SDCCAG8: variants seen among roughly 807,000 people sequenced by gnomAD.
SDCCAG8 encodes the protein SHH signaling and ciliogenesis regulator SDCCAG8, also known as serologically defined colon cancer antigen 8.
A neutral mutation model predicts 101.8 loss-of-function variants in SDCCAG8; 74 were observed. The observed-to-expected ratio is 0.73, with a 90% CI of 0.60 to 0.88. SDCCAG8 has a LOEUF of 0.88. SDCCAG8 is among the 40% of genes least tolerant of loss of function. The pLI is 0.00. For missense variants in SDCCAG8, 787 were observed against 822.6 expected, an observed-to-expected ratio of 0.96 and a Z score of 0.53; for synonymous variants, 281 against 292.9, an observed-to-expected ratio of 0.96 and a Z score of 0.41.
At chr1:243,432,542 AT>A (rs1472879991) in intron 16 of SDCCAG8, among the ~76,000 whole-genome samples, 1 of 152,260 alleles carries the variant, frequency 6.6e-6, no homozygotes, top group Non-Finnish European at 1.5e-5. Context: ...TTTTAAAAAA[AT>A]GGGAAAATTA....
At chr1:243,374,394 T>C (rs959198985) in intron 12 of SDCCAG8, among the ~76,000 whole-genome samples, 5 of 152,024 alleles carry the variant, frequency 3.3e-5, no homozygotes, top group African/African-American at 9.7e-5. Context: ...AGATTCAGCA[T>C]TGCAAAATTT....
chr1:243,261,337 AT>A (rs146433637), intron 1 of SDCCAG8, among the ~76,000 whole-genome samples: 9,498 of 152,222 alleles, frequency 0.062, 969 homozygotes, highest in African/African-American at 0.21. Flanking sequence ...CAGATGAATG[AT>A]TAAGGGCTAT....
At chr1:243,483,437 G>A (rs1445122317) in intron 16 of SDCCAG8, among the ~76,000 whole-genome samples, 1 of 152,102 alleles carries the variant, frequency 6.6e-6, no homozygotes, top group East Asian at 1.9e-4. Context: ...TGCCTCGGGG[G>A]GAGGGTCTCA....
intron 1 of SDCCAG8, among the ~76,000 whole-genome samples, chr1:243,265,021 A>T (rs890552879): frequency 6.6e-6 from 1 of 152,240 alleles, no homozygotes; most frequent in Non-Finnish European, 1.5e-5. Flanking sequence ...TGTAAGGAGC[A>T]GATAACTGCA....
chr1:243,331,963 G>C (rs1013822411), intron 10 of SDCCAG8, among the ~76,000 whole-genome samples: 1 of 152,198 alleles, frequency 6.6e-6, no homozygotes, highest in Non-Finnish European at 1.5e-5. Flanking sequence ...TTAGGATATC[G>C]TGGGAATGTG....
intron 5 of SDCCAG8, among the ~76,000 whole-genome samples, chr1:243,288,902 G>A (rs1425066327): frequency 6.6e-6 from 1 of 151,710 alleles, no homozygotes; most frequent in Non-Finnish European, 1.5e-5. Flanking sequence ...AGCTACTTGG[G>A]AGGCTGAGGC....
chr1:243,495,968 CAT>C (rs1212176530), intron 17 of SDCCAG8, among the ~76,000 whole-genome samples: 2 of 152,138 alleles, frequency 1.3e-5, no homozygotes, highest in Admixed American at 6.5e-5. Context: ...GCTTCAGAGA[CAT>C]GTGTTAGCTT....
chr1:243,342,002 T>C (rs1374819266), intron 11 of SDCCAG8, among the ~76,000 whole-genome samples: 4 of 152,224 alleles, frequency 2.6e-5, no homozygotes, highest in Non-Finnish European at 5.9e-5. Context: ...TATAATTCAG[T>C]AATTAAAATT....
At chr1:243,317,014 T>C in intron 9 of SDCCAG8, 121 bp downstream of exon 9, 4 of 1,046,198 alleles carry the variant, frequency 3.8e-6, no homozygotes, top group Non-Finnish European at 5.6e-6. Context: ...AAGTGAATTA[T>C]CAATCTGTTA....
At chr1:243,256,354 G>C (rs2066676837) in intron 1 of SDCCAG8, 114 bp downstream of exon 1, 1 of 803,284 alleles carries the variant, frequency 1.2e-6, no homozygotes, top group Non-Finnish European at 2.2e-6. Context: ...CGCTACAGAG[G>C]AGCAAGATGG....
At chr1:243,459,721 G>T (rs2226029) in intron 16 of SDCCAG8, among the ~76,000 whole-genome samples, 110,840 of 152,034 alleles carry the variant, frequency 0.73, 42,488 homozygotes, top group East Asian at 0.89. Flanking sequence ...ATCCTCCCAC[G>T]TCAGCCTCTT....
At chr1:243,462,534 G>T (rs1659327216) in intron 16 of SDCCAG8, among the ~76,000 whole-genome samples, 1 of 152,134 alleles carries the variant, frequency 6.6e-6, no homozygotes, top group Non-Finnish European at 1.5e-5. Context: ...TGAAATCTTG[G>T]CTGTCTTGTT....
At chr1:243,438,714 G>A (rs1449987146) in intron 16 of SDCCAG8, among the ~76,000 whole-genome samples, 1 of 152,200 alleles carries the variant, frequency 6.6e-6, no homozygotes, top group Non-Finnish European at 1.5e-5. Context: ...AGACATTTCT[G>A]TGATGTTAGC....
intron 6 of SDCCAG8, among the ~76,000 whole-genome samples, chr1:243,302,000 C>T (rs2071558927): frequency 6.6e-6 from 1 of 152,148 alleles, no homozygotes; most frequent in Non-Finnish European, 1.5e-5. Flanking sequence ...GTAATTCCAG[C>T]ACTTTGGGAG....
intron 16 of SDCCAG8, among the ~76,000 whole-genome samples, chr1:243,448,034 A>G (rs886397392): frequency 6.6e-6 from 1 of 152,142 alleles, no homozygotes; most frequent in Non-Finnish European, 1.5e-5. Context: ...CCCTTATAGC[A>G]TAGTGTGCAG....
chr1:243,394,320 G>A lies in SDCCAG8; in HGVS notation c.1616+15457G>A, dbSNP rs577259793. Among the ~76,000 whole-genome samples, 38 of 152,242 alleles carry A rather than the reference G, an allele frequency of 2.5e-4. No homozygotes were observed. The South Asian group carries it at 4.2e-3, about 17-fold the overall frequency. On this transcript the variant is annotated intron_variant, in intron 13 of 17. Coordinates refer to ENST00000366541, the MANE Select transcript of SDCCAG8 (RefSeq NM_006642.5). ...CAAAAAATTAGACTTATTTGATATA[G>A]CAGCACATTAGTAAATGATTGTGGC...
At chr1:243,499,089 A>G (rs929838244) in intron 17 of SDCCAG8, among the ~76,000 whole-genome samples, 1 of 152,212 alleles carries the variant, frequency 6.6e-6, no homozygotes, top group Non-Finnish European at 1.5e-5. Flanking sequence ...TTGGGCAGCC[A>G]TGGCAGCAGA....
In SDCCAG8 at chr1:243,415,714, T is replaced by C; in HGVS notation, c.1629T>C (p.Asp543=). Residue 543 remains aspartate (D), a synonymous_variant, in exon 14 of 18, where the codon GAT becomes GAC. Transcript: ENST00000366541. ...CTCTGTTTTGCAGACAGGAAAAAGA[T>C]AGCATTCAGCAGAGCTTTAGCAAGG... ...HQLHLTRQEK[D]SIQQSFSKEA... 1.2e-6 allele frequency: 2 copies of C among 1,613,800 alleles called. No homozygotes were observed. The highest frequency in any genetic ancestry group is 1.1e-5 in the South Asian group (1 of 91,084).
chr1:243,452,409 CATCTCTTT>C (rs1465657189), intron 16 of SDCCAG8, among the ~76,000 whole-genome samples: 6 of 121,034 alleles, frequency 5.0e-5, no homozygotes, highest in African/African-American at 2.0e-4. Flanking sequence ...GAGATGATCT[CATCTCTTT>C]TTTTTTTTTT....
Sources: allele counts gnomAD v4.1 joint callset (sites outside exome capture counted in the v4.1 genomes callset), GRCh38; gene constraint gnomAD v4.1.1; transcripts MANE v1.5; gene names NCBI Gene and HGNC (gene_info 2026-07-23, HGNC 2026-07-21).